CNOT10: variants seen among roughly 807,000 people sequenced by gnomAD.
The protein encoded by CNOT10 is CCR4-NOT transcription complex subunit 10, also known as CCR4-NOT transcription complex, subunit 10.
Under a neutral mutation model 94.6 loss-of-function variants are expected in CNOT10, and 30 were observed. That is an observed-to-expected ratio of 0.32 (90% CI 0.24 to 0.43). The LOEUF (loss-of-function observed/expected upper bound fraction) is 0.43. CNOT10 is among the 20% of genes least tolerant of loss of function. The pLI is 1.00. For missense variants in CNOT10, 759 were observed against 877.2 expected, an observed-to-expected ratio of 0.87 and a Z score of 1.70; for synonymous variants, 289 against 301.6, an observed-to-expected ratio of 0.96 and a Z score of 0.43.
chr3:32,769,905 C>G lies in CNOT10; in HGVS notation c.2023C>G (p.Pro675Ala). 6.2e-7 allele frequency: 1 copy of G among 1,613,936 alleles called. No individual in the cohort carries two copies. Among genetic ancestry groups the G allele is most frequent in the Non-Finnish European group, 8.5e-7 (1 of 1,179,880 alleles). Residue 675 changes from proline to alanine, a missense_variant, in exon 18 of 19, where the codon CCT becomes GCT. By Grantham distance (27) the Pro-to-Ala change is conservative. Coordinates refer to ENST00000328834, the MANE Select transcript of CNOT10 (RefSeq NM_015442.3). ...AGCAAAGGCGGCTTCAATGATCCAT[C>G]CTAAAGAGGTGCCCCCTGAGGCCAT... ...CLHQAASMIH[P>A]KEVPPEAILL...
chr3:32,757,167 C>G (rs1392087598), intron 13 of CNOT10, among the ~76,000 whole-genome samples: 1 of 98,128 alleles, frequency 1.0e-5, no homozygotes, highest in Non-Finnish European at 1.9e-5. Flanking sequence ...AGGCCCTGAA[C>G]TAATTTTTTT....
At chr3:32,723,729 G>C (rs1310676995) in intron 8 of CNOT10, among the ~76,000 whole-genome samples, 1 of 152,040 alleles carries the variant, frequency 6.6e-6, no homozygotes, top group African/African-American at 2.4e-5. Context: ...TGTGACAGAA[G>C]GTTTCTATAA....
chr3:32,725,325 A>G (rs542284624), intron 8 of CNOT10, 125 bp from the exon 9 acceptor site: 1 of 722,752 alleles, frequency 1.4e-6, no homozygotes, highest in East Asian at 2.6e-5. Context: ...TGCCTTGTGA[A>G]CTGTTCTTTA....
rs149027326 is a variant in CNOT10 at position 32,688,989 on chromosome 3, G to C, written c.22+3507G>C. ...GGGAGGCCGAGGTGGCAGATCACGA[G>C]GTCAAGAGATCGAGACCATCCTGGC... On this transcript the variant is annotated intron_variant, in intron 1 of 18. Coordinates refer to ENST00000328834, the MANE Select transcript of CNOT10 (RefSeq NM_015442.3). Among the ~76,000 whole-genome samples, 530 of 151,774 alleles carry C rather than the reference G, an allele frequency of 3.5e-3. 4 individuals carry two copies. Among genetic ancestry groups the C allele is most frequent in the Middle Eastern group, 0.014 (4 of 294 alleles).
intron 17 of CNOT10, chr3:32,765,299 C>CT (rs1700617184): frequency 1.0e-5 from 1 of 99,298 alleles, no homozygotes; most frequent in African/African-American, 3.8e-5. Context: ...GCCTGGGCAA[C>CT]AGAGCGAGAC....
chr3:32,746,572 C>G (rs1699708941), intron 13 of CNOT10, among the ~76,000 whole-genome samples: 1 of 152,096 alleles, frequency 6.6e-6, no homozygotes, highest in African/African-American at 2.4e-5. Context: ...TGCAGTGGCT[C>G]TCGCCTGTAA....
At chr3:32,732,145 C>T (rs868404891) in intron 10 of CNOT10, among the ~76,000 whole-genome samples, 3 of 151,640 alleles carry the variant, frequency 2.0e-5, no homozygotes, top group African/African-American at 7.3e-5. Context: ...AATCTCAGTA[C>T]TTTGGGAGGC....
In CNOT10 at chr3:32,750,358, G is replaced by A. The variant is rs138946235; in HGVS notation, c.1596-9100G>A. ...AAAAATATAAAAATTAGCCAGGTGCGGTGTTGTGTGCCTATAGTCTCAGCT... is the reference window on the plus strand; with the variant it reads ...AAAAATATAAAAATTAGCCAGGTGCAGTGTTGTGTGCCTATAGTCTCAGCT... On this transcript the variant is annotated intron_variant, in intron 13 of 18. Transcript: ENST00000328834. Among the ~76,000 whole-genome samples, 1,329 of 151,972 alleles carry A rather than the reference G, an allele frequency of 8.7e-3. 13 individuals are homozygous for A. The highest frequency in any genetic ancestry group is 0.013 in the Non-Finnish European group (890 of 67,970).
At chr3:32,741,025 C>T (rs867044844) in intron 13 of CNOT10, among the ~76,000 whole-genome samples, 19 of 152,030 alleles carry the variant, frequency 1.2e-4, no homozygotes, top group African/African-American at 2.4e-4. Context: ...TTTATTACTA[C>T]GAAAGATCCC....
chr3:32,687,464 T>TTTTTTTTTTTTGTTTTTTG (rs1559471812), intron 1 of CNOT10, among the ~76,000 whole-genome samples: 1 of 67,982 alleles, frequency 1.5e-5, no homozygotes, highest in Non-Finnish European at 2.9e-5. Context: ...TTTTTTTTTT[T>TTTTTTTTTTTTGTTTTTTG]TTTTTGAGAC....
chr3:32,757,213 C>G lies in CNOT10; in HGVS notation c.1596-2245C>G, dbSNP rs1700262439. Among the ~76,000 whole-genome samples the G allele has an allele frequency of 3.9e-5, 3 of 77,824 alleles. No individual in the cohort carries two copies. In the South Asian group the frequency reaches 1.5e-3, roughly 38 times the overall value. 51.1% of individuals were successfully genotyped at this position (77,824 alleles called of 152,430 possible). Reference sequence around the variant, plus strand: ...TTTTTTTTTGTGACGGAGTTTCACTCTTGTTGCCCAGGCTGGAGCGCAATG... The same window carrying G: ...TTTTTTTTTGTGACGGAGTTTCACTGTTGTTGCCCAGGCTGGAGCGCAATG... On this transcript the variant is annotated intron_variant, in intron 13 of 18. Coordinates refer to ENST00000328834, the MANE Select transcript of CNOT10 (RefSeq NM_015442.3).
At chr3:32,698,966 T>G (rs1056625647) in intron 1 of CNOT10, among the ~76,000 whole-genome samples, 1 of 152,048 alleles carries the variant, frequency 6.6e-6, no homozygotes, top group African/African-American at 2.4e-5. Context: ...TTGTATTTTT[T>G]GTAGAGACGG....
At chr3:32,738,796 A>AT (rs1699313556) in intron 13 of CNOT10, among the ~76,000 whole-genome samples, 1 of 150,828 alleles carries the variant, frequency 6.6e-6, no homozygotes, top group African/African-American at 2.4e-5. Flanking sequence ...GTTAAGTTTT[A>AT]TTTTTCAAGG....
chr3:32,731,137 A>C (rs1034441184), intron 10 of CNOT10: 6 of 152,212 alleles, frequency 3.9e-5, no homozygotes, highest in African/African-American at 1.2e-4. Flanking sequence ...AGTCCTCACA[A>C]TAATGGTTTA....
At chr3:32,720,363 T>C (rs2125548156) in intron 8 of CNOT10, 132 bp downstream of exon 8, 2 of 442,890 alleles carry the variant, frequency 4.5e-6, no homozygotes, top group Non-Finnish European at 8.1e-6. Context: ...TTAATATTTC[T>C]GGTGCAAAAA....
intron 1 of CNOT10, among the ~76,000 whole-genome samples, chr3:32,701,362 A>G (rs1270414082): frequency 6.6e-6 from 1 of 152,258 alleles, no homozygotes; most frequent in Non-Finnish European, 1.5e-5. Context: ...AGAATGTAGG[A>G]CATTCTAATT....
At chr3:32,722,722 A>G (rs1048883851) in intron 8 of CNOT10, among the ~76,000 whole-genome samples, 15 of 151,810 alleles carry the variant, frequency 9.9e-5, no homozygotes, top group Admixed American at 3.3e-4. Flanking sequence ...GCTCACACCT[A>G]TAATCAATCC....
chr3:32,753,578 A>C (rs944742977), intron 13 of CNOT10: 2 of 1,586,860 alleles, frequency 1.3e-6, no homozygotes, highest in Middle Eastern at 1.7e-4. Flanking sequence ...GAAAAGCTAG[A>C]GGAGCAAGGA....
At chr3:32,721,132 T>C (rs1216540616) in intron 8 of CNOT10, among the ~76,000 whole-genome samples, 1 of 140,444 alleles carries the variant, frequency 7.1e-6, no homozygotes, top group African/African-American at 2.6e-5. Context: ...CCATCTTGGC[T>C]CACTACAGCC....
Sources: allele counts gnomAD v4.1 joint callset (sites outside exome capture counted in the v4.1 genomes callset), GRCh38; gene constraint gnomAD v4.1.1; transcripts MANE v1.5; gene names NCBI Gene and HGNC (gene_info 2026-07-23, HGNC 2026-07-21).